RNLS: variants seen among roughly 807,000 people sequenced by gnomAD.
RNLS encodes renalase, FAD dependent amine oxidase.
Under a neutral mutation model 39.8 loss-of-function variants are expected in RNLS, and 39 were observed. The ratio of observed to expected loss-of-function variants is 0.98; its 90% CI spans 0.76 to 1.28. The LOEUF is 1.28. Ranked by LOEUF, RNLS falls within the 50% of genes most tolerant of loss-of-function variation. The probability of loss-of-function intolerance (pLI) is 0.00; values close to 1 mark genes in which losing one functional copy is unlikely to be tolerated. For missense variants in RNLS, 410 were observed against 413.3 expected (o/e 0.99, Z 0.07); for synonymous variants, 147 against 150.7 (o/e 0.98, Z 0.18).
chr10:88,221,548 C>T, the RNLS span, among the ~76,000 whole-genome samples: 1 of 152,198 alleles, frequency 6.6e-6, no homozygotes, highest in Non-Finnish European at 1.5e-5. Context: ...ATACACTTAA[C>T]ACAAATACTG....
chr10:88,503,527 CT>C (rs1462212055), intron 4 of RNLS, among the ~76,000 whole-genome samples: 6 of 152,020 alleles, frequency 3.9e-5, no homozygotes, highest in African/African-American at 9.7e-5. Flanking sequence ...GATTTATAAC[CT>C]GGAACCATCA....
intron 4 of RNLS, among the ~76,000 whole-genome samples, chr10:88,469,724 G>T (rs1034894907): frequency 2.6e-5 from 4 of 151,336 alleles, no homozygotes; most frequent in Non-Finnish European, 5.9e-5. Context: ...AAACCTGCTA[G>T]CATCTCTGCT....
chr10:88,524,380 T>C (rs148861225), intron 4 of RNLS, among the ~76,000 whole-genome samples: 18 of 152,260 alleles, frequency 1.2e-4, no homozygotes, highest in East Asian at 3.9e-4. Flanking sequence ...AAGCACAGTA[T>C]GGTATAGTAT....
the RNLS span, among the ~76,000 whole-genome samples, chr10:88,217,370 A>G: frequency 6.6e-6 from 1 of 152,216 alleles, no homozygotes; most frequent in Non-Finnish European, 1.5e-5. Flanking sequence ...TAAAATATAT[A>G]ACAGCTTTGT....
intron 5 of RNLS, among the ~76,000 whole-genome samples, chr10:88,322,202 T>C (rs1846233681): frequency 6.6e-6 from 1 of 152,142 alleles, no homozygotes; most frequent in Non-Finnish European, 1.5e-5. Flanking sequence ...TCTCAATAAA[T>C]GCAAAAAATG....
At chr10:88,399,379 C>A (rs1852769244) in intron 4 of RNLS, among the ~76,000 whole-genome samples, 1 of 151,910 alleles carries the variant, frequency 6.6e-6, no homozygotes, top group Non-Finnish European at 1.5e-5. Flanking sequence ...AAAGTTGAAG[C>A]AACCCAAATG....
intron 4 of RNLS, among the ~76,000 whole-genome samples, chr10:88,374,608 T>C (rs1258264984): frequency 6.6e-6 from 1 of 152,146 alleles, no homozygotes; most frequent in Non-Finnish European, 1.5e-5. Context: ...AGGTGACATA[T>C]GGGATGTCAT....
In RNLS at chr10:88,469,738, G is replaced by A. The variant is rs1326183850; in HGVS notation, c.526+103165C>T. Reference sequence around the variant, plus strand: ...AAAACCTGCTAGCATCTCTGCTTATGTGATTGTTCTTAGAAGACAAAAAAT... The same window carrying A: ...AAAACCTGCTAGCATCTCTGCTTATATGATTGTTCTTAGAAGACAAAAAAT... On this transcript the variant is annotated intron_variant, in intron 4 of 6. Coordinates refer to ENST00000331772, the MANE Select transcript of RNLS (RefSeq NM_001031709.3). Among the ~76,000 whole-genome samples the A allele has an allele frequency of 6.6e-5, 10 of 151,642 alleles. No individual in the cohort carries two copies. The East Asian group carries it at 1.5e-3, about 23-fold the overall frequency.
intron 4 of RNLS, among the ~76,000 whole-genome samples, chr10:88,387,968 G>A (rs2133561705): frequency 6.6e-6 from 1 of 152,278 alleles, no homozygotes. Flanking sequence ...AGATGGTTGT[G>A]GTACAAATGA....
At chr10:88,496,630 G>T (rs1845190261) in intron 4 of RNLS, among the ~76,000 whole-genome samples, 1 of 152,072 alleles carries the variant, frequency 6.6e-6, no homozygotes, top group African/African-American at 2.4e-5. Context: ...CTGTGGCCAT[G>T]TTCCCCACCC....
In RNLS at chr10:88,551,812, C is replaced by T. The variant is rs113043334; in HGVS notation, c.526+21091G>A. ...CTCTATATGGTGGGGATAATAACAA[C>T]GCTGGGTTGTTTTAAGAATTGTTAC... is the stretch of plus-strand genomic sequence containing the variant. On this transcript the variant is annotated intron_variant, in intron 4 of 6. Coordinates refer to ENST00000331772, the MANE Select transcript of RNLS (RefSeq NM_001031709.3). Among the ~76,000 whole-genome samples the T allele has an allele frequency of 9.1e-3, 1,380 of 152,168 alleles. 21 individuals are homozygous for T. The highest frequency in any genetic ancestry group is 0.031 in the African/African-American group (1,302 of 41,524).
rs1843127044 is a variant in RNLS at position 88,284,241 on chromosome 10, T to G, written c.*1113A>C. On this transcript the variant is annotated 3_prime_UTR_variant, in exon 7 of 7. Coordinates refer to ENST00000331772, the MANE Select transcript of RNLS (RefSeq NM_001031709.3). The stretch of plus-strand genomic sequence containing the variant: ...ATGTGTATGTATGACAGTGGACATG[T>G]AAGTGTGAAACTTTAAACACTATTA... 1.0e-6 allele frequency: 1 copy of G among 985,390 alleles called. No homozygotes were observed. Among genetic ancestry groups the G allele is most frequent in the East Asian group, 1.1e-4 (1 of 8,814 alleles). 61.0% of individuals were successfully genotyped at this position (985,390 alleles called of 1,614,324 possible).
chr10:88,413,454 AG>A (rs1366736558), intron 4 of RNLS, among the ~76,000 whole-genome samples: 2 of 152,176 alleles, frequency 1.3e-5, no homozygotes, highest in Non-Finnish European at 2.9e-5. Context: ...TCTCTCATAA[AG>A]CTAAGTCTAC....
At chr10:88,459,947 T>C (rs1437371800) in intron 4 of RNLS, among the ~76,000 whole-genome samples, 1 of 152,200 alleles carries the variant, frequency 6.6e-6, no homozygotes, top group Non-Finnish European at 1.5e-5. Flanking sequence ...TCCCAGACAC[T>C]TTCTGGTGTC....
At chr10:88,330,049 A>G (rs1019238630) in intron 5 of RNLS, among the ~76,000 whole-genome samples, 1 of 146,208 alleles carries the variant, frequency 6.8e-6, no homozygotes, top group Admixed American at 6.9e-5. Context: ...TCATAATTGC[A>G]TGGTTTTCTG....
the RNLS span, among the ~76,000 whole-genome samples, chr10:88,190,887 G>C: frequency 6.6e-6 from 1 of 152,192 alleles, no homozygotes; most frequent in Non-Finnish European, 1.5e-5. Flanking sequence ...ACTACATCCT[G>C]AACAGGCTTC....
chr10:88,403,173 G>GA (rs1411859450), intron 4 of RNLS, among the ~76,000 whole-genome samples: 5 of 151,372 alleles, frequency 3.3e-5, no homozygotes, highest in Non-Finnish European at 5.9e-5. Context: ...GGAAAAATGA[G>GA]AAAAAAAACC....
chr10:88,446,914 C>T (rs193059316), intron 4 of RNLS, among the ~76,000 whole-genome samples: 96 of 152,326 alleles, frequency 6.3e-4, no homozygotes, highest in Non-Finnish European at 8.1e-4. Context: ...ACAAAAACCA[C>T]ATGATTATCT....
At chr10:88,247,479 G>A in the RNLS span, among the ~76,000 whole-genome samples, 1 of 152,192 alleles carries the variant, frequency 6.6e-6, no homozygotes, top group East Asian at 1.9e-4. Context: ...TGCCCAGTCT[G>A]CCATTTACTG....
Sources: gnomAD v4.1 joint callset for allele counts (sites outside exome capture counted in the v4.1 genomes callset) on GRCh38, gnomAD v4.1.1 for gene constraint, MANE v1.5 for transcripts, NCBI Gene and HGNC (gene_info 2026-07-23, HGNC 2026-07-21) for gene names.